The following GABRB1 variants were observed in gnomAD, a reference collection of about 807,000 sequenced individuals.
GABRB1 encodes the protein gamma-aminobutyric acid receptor subunit beta-1.
In GABRB1, 17 loss-of-function variants were observed where a neutral mutation model predicts 51.6. That is an observed-to-expected ratio of 0.33 (90% CI 0.23 to 0.49). GABRB1 has a LOEUF of 0.49. Ranked by LOEUF, GABRB1 falls within the 20% of genes least tolerant of loss-of-function variation. The pLI, the probability that GABRB1 is intolerant of heterozygous loss-of-function variation, is 0.99. For missense variants in GABRB1, 410 were observed against 600.6 expected (o/e 0.68, Z 3.32); for synonymous variants, 247 against 218.9 (o/e 1.13, Z -1.14).
chr4:47,305,053 T>C (rs928568886), intron 4 of GABRB1, among the ~76,000 whole-genome samples: 2 of 152,072 alleles, frequency 1.3e-5, no homozygotes, highest in African/African-American at 4.8e-5. Flanking sequence ...GAAACCAACA[T>C]TTTGTACTTC....
intron 4 of GABRB1, among the ~76,000 whole-genome samples, chr4:47,303,821 T>C (rs536846101): frequency 3.3e-5 from 5 of 151,970 alleles, no homozygotes; most frequent in Non-Finnish European, 7.4e-5. Context: ...TCTAATACCC[T>C]TTCCCCACCC....
chr4:47,279,158 T>C (rs1310192858), intron 4 of GABRB1, among the ~76,000 whole-genome samples: 1 of 151,964 alleles, frequency 6.6e-6, no homozygotes, highest in East Asian at 1.9e-4. Flanking sequence ...ATTCATCCAG[T>C]CAGTCAACAA....
Position 47,049,063 on chromosome 4 carries a change from G to GA in GABRB1, c.240+16595dup, listed in dbSNP as rs5858051. ...TCTTAATCTTTTCATGATGAGAAGAGAAAAAAAAAAAAAAAACTGTTGCCA... is the reference window on the plus strand; with the variant it reads ...TCTTAATCTTTTCATGATGAGAAGAGAAAAAAAAAAAAAAAAACTGTTGCCA... On this transcript the variant is annotated intron_variant, in intron 3 of 8. Transcript: ENST00000295454. Among the ~76,000 whole-genome samples the GA allele has an allele frequency of 8.2e-3, 1,129 of 138,522 alleles. 12 individuals carry two copies. The highest frequency in any genetic ancestry group is 0.026 in the African/African-American group (974 of 37,424). 90.9% of individuals were successfully genotyped at this position (138,522 alleles called of 152,430 possible). A position where few individuals can be genotyped will look rare whatever the true frequency, so the allele number is the denominator to read the frequency against.
At chr4:47,228,436 A>T (rs898668181) in intron 4 of GABRB1, among the ~76,000 whole-genome samples, 2 of 152,096 alleles carry the variant, frequency 1.3e-5, no homozygotes, top group South Asian at 4.2e-4. Context: ...AGAAAAAAAA[A>T]TGCTTACCAG....
At chr4:47,405,227 G>T (rs190387963) in intron 7 of GABRB1, among the ~76,000 whole-genome samples, 1 of 152,118 alleles carries the variant, frequency 6.6e-6, no homozygotes, top group Non-Finnish European at 1.5e-5. Flanking sequence ...ATTTATTACT[G>T]ATCTGAACCA....
chr4:47,077,955 ATTT>A (rs1267962804), intron 3 of GABRB1, among the ~76,000 whole-genome samples: 21 of 94,522 alleles, frequency 2.2e-4, no homozygotes, highest in African/African-American at 7.4e-4. Flanking sequence ...TATATTATAT[ATTT>A]TATATATATA....
intron 3 of GABRB1, among the ~76,000 whole-genome samples, chr4:47,149,382 T>C (rs1340234280): frequency 1.3e-5 from 2 of 152,186 alleles, no homozygotes; most frequent in Non-Finnish European, 2.9e-5. Flanking sequence ...ATACAGTATT[T>C]CAATTGATCA....
At chr4:47,319,988 A>T in intron 4 of GABRB1, 139 bp from the exon 5 acceptor site, 1 of 683,978 alleles carries the variant, frequency 1.5e-6, no homozygotes, top group South Asian at 1.6e-5. Flanking sequence ...ATAATTATTC[A>T]TAATAGTTTC....
intron 4 of GABRB1, among the ~76,000 whole-genome samples, chr4:47,197,026 T>C (rs1282504111): frequency 6.6e-6 from 1 of 152,206 alleles, no homozygotes; most frequent in African/African-American, 2.4e-5. Context: ...TAACTTGTGT[T>C]GGGTAGTAAA....
chr4:47,046,141 C>T (rs963702381), intron 3 of GABRB1, among the ~76,000 whole-genome samples: 1 of 152,048 alleles, frequency 6.6e-6, no homozygotes. Context: ...GTGCCCTCTG[C>T]CATGATTGTA....
chr4:47,377,672 T>C (rs1013131613), intron 5 of GABRB1, among the ~76,000 whole-genome samples: 1 of 152,124 alleles, frequency 6.6e-6, no homozygotes, highest in Non-Finnish European at 1.5e-5. Flanking sequence ...AGCCTAGTGG[T>C]CTGTTTTGAC....
At chr4:47,266,785 T>C (rs558706057) in intron 4 of GABRB1, among the ~76,000 whole-genome samples, 64 of 152,266 alleles carry the variant, frequency 4.2e-4, no homozygotes, top group African/African-American at 1.5e-3. Flanking sequence ...TGTGAATGTC[T>C]GTTGGGTCCA....
chr4:47,000,451 T>C (rs1430557046), intron 1 of GABRB1, among the ~76,000 whole-genome samples: 3 of 152,250 alleles, frequency 2.0e-5, no homozygotes, highest in Non-Finnish European at 2.9e-5. Context: ...ATATTCATCT[T>C]CTTTTGTGGA....
chr4:47,401,738 G>T (rs1406473041), intron 5 of GABRB1, among the ~76,000 whole-genome samples: 2 of 152,200 alleles, frequency 1.3e-5, no homozygotes, highest in African/African-American at 2.4e-5. Context: ...AACTAAGAAA[G>T]GAGTTTTGTA....
chr4:47,395,093 G>T (rs549107735), intron 5 of GABRB1, among the ~76,000 whole-genome samples: 1 of 152,202 alleles, frequency 6.6e-6, no homozygotes, highest in Non-Finnish European at 1.5e-5. Flanking sequence ...GCTACCTGAT[G>T]AGCCTAAACC....
chr4:47,325,921 G>A (rs1160186531), intron 5 of GABRB1, among the ~76,000 whole-genome samples: 2 of 152,172 alleles, frequency 1.3e-5, no homozygotes, highest in African/African-American at 4.8e-5. Context: ...TGTAGCTTTT[G>A]GAGGTGATTA....
intron 1 of GABRB1, 66 bp downstream of exon 1, chr4:47,031,797 T>C: frequency 6.5e-7 from 1 of 1,529,912 alleles, no homozygotes; most frequent in Non-Finnish European, 9.1e-7. Context: ...TATGTTTCTT[T>C]TTACGTGTCT....
chr4:47,026,010 G>T (rs2109457657), intron 1 of GABRB1, among the ~76,000 whole-genome samples: 1 of 152,090 alleles, frequency 6.6e-6, no homozygotes, highest in East Asian at 1.9e-4. Flanking sequence ...CTCTATTGAG[G>T]TGTCTTCCCT....
At chr4:47,095,678 T>C (rs1714390267) in intron 3 of GABRB1, among the ~76,000 whole-genome samples, 1 of 152,206 alleles carries the variant, frequency 6.6e-6, no homozygotes, top group Non-Finnish European at 1.5e-5. Flanking sequence ...TGAGTTAGTC[T>C]CTCTTGAAAT....
Sources: allele counts gnomAD v4.1 joint callset (sites outside exome capture counted in the v4.1 genomes callset), GRCh38; gene constraint gnomAD v4.1.1; transcripts MANE v1.5; gene names NCBI Gene and HGNC (gene_info 2026-07-23, HGNC 2026-07-21).